Variants in MAGI2 observed in about 807,000 individuals in gnomAD.
The protein encoded by MAGI2 is membrane associated guanylate kinase, WW and PDZ domain containing 2, also known as membrane-associated guanylate kinase, WW and PDZ domain-containing protein 2.
MAGI2 carries 35 observed loss-of-function variants against 133.3 expected under a neutral mutation model. The observed-to-expected ratio is 0.26, with a 90% CI of 0.20 to 0.35. MAGI2 has a LOEUF of 0.35. MAGI2 is among the 10% of genes least tolerant of loss of function. The pLI is 1.00. For missense variants in MAGI2, 1,636 were observed against 1,863.4 expected (o/e 0.88, Z 2.25); for synonymous variants, 729 against 710.6 (o/e 1.03, Z -0.41).
At chr7:78,040,884 T>C (rs752259204) in intron 21 of MAGI2, among the ~76,000 whole-genome samples, 17 of 152,158 alleles carry the variant, frequency 1.1e-4, no homozygotes, top group Non-Finnish European at 2.1e-4. Flanking sequence ...CGGTAAGTCA[T>C]CCTTCCAAGG....
intron 2 of MAGI2, among the ~76,000 whole-genome samples, chr7:78,787,618 C>A (rs572467986): frequency 6.6e-6 from 1 of 152,304 alleles, no homozygotes; most frequent in South Asian, 2.1e-4. Flanking sequence ...ACTGCCAAAA[C>A]CATCAAGTTA....
chr7:79,177,386 T>C (rs1196067858), intron 1 of MAGI2, among the ~76,000 whole-genome samples: 2 of 152,084 alleles, frequency 1.3e-5, no homozygotes, highest in Non-Finnish European at 2.9e-5. Context: ...TATCATTTTA[T>C]GTATATTATC....
intron 2 of MAGI2, among the ~76,000 whole-genome samples, chr7:78,906,985 G>T (rs373727658): frequency 1.3e-5 from 2 of 152,186 alleles, no homozygotes; most frequent in East Asian, 3.8e-4. Flanking sequence ...AAGTCCAGCC[G>T]ACCTTTGATC....
chr7:79,334,084 G>A (rs539467390), intron 1 of MAGI2, among the ~76,000 whole-genome samples: 85 of 152,212 alleles, frequency 5.6e-4, no homozygotes, highest in Non-Finnish European at 8.4e-4. Flanking sequence ...TACACATCTA[G>A]TAAACACCTT....
Position 78,135,216 on chromosome 7 carries a change from C to T in MAGI2, c.2846-10G>A, listed in dbSNP as rs779562652. The T allele has an allele frequency of 1.9e-6, 3 of 1,612,684 alleles. No individual in the cohort carries two copies. In the South Asian group the frequency reaches 3.3e-5, roughly 18 times the overall value. On this transcript the variant is annotated splice_polypyrimidine_tract_variant and intron_variant, in intron 16 of 21. Coordinates refer to ENST00000354212, the MANE Select transcript of MAGI2 (RefSeq NM_012301.4). ...ATTTTATGGGGCACAGCTAAAAAAACCCCAACAGAAATAGGTATCAGGGAC... is the reference window on the plus strand; with the variant it reads ...ATTTTATGGGGCACAGCTAAAAAAATCCCAACAGAAATAGGTATCAGGGAC...
intron 20 of MAGI2, among the ~76,000 whole-genome samples, chr7:78,110,425 T>C (rs1819237946): frequency 6.6e-6 from 1 of 152,118 alleles, no homozygotes; most frequent in South Asian, 2.1e-4. Flanking sequence ...TCGTGACTGG[T>C]CTGAGATGAA....
intron 4 of MAGI2, among the ~76,000 whole-genome samples, chr7:78,513,238 T>TG (rs1332903219): frequency 6.6e-6 from 1 of 152,190 alleles, no homozygotes; most frequent in Non-Finnish European, 1.5e-5. Flanking sequence ...AATTTGATCT[T>TG]GATAATTCAA....
chr7:78,287,146 C>T, intron 9 of MAGI2, among the ~76,000 whole-genome samples: 1 of 152,088 alleles, frequency 6.6e-6, no homozygotes, highest in East Asian at 1.9e-4. Flanking sequence ...TAGGGTTCAA[C>T]TGGAATGTAA....
intron 7 of MAGI2, among the ~76,000 whole-genome samples, chr7:78,368,864 A>T (rs1793643137): frequency 6.6e-6 from 1 of 152,190 alleles, no homozygotes; most frequent in African/African-American, 2.4e-5. Context: ...TTTGATTGCA[A>T]AATGAAAGGC....
chr7:78,701,932 G>A (rs1450884697), intron 2 of MAGI2, among the ~76,000 whole-genome samples: 1 of 151,936 alleles, frequency 6.6e-6, no homozygotes, highest in African/African-American at 2.4e-5. Context: ...GTCTTCAGGA[G>A]AATATGATGC....
intron 1 of MAGI2, among the ~76,000 whole-genome samples, chr7:79,349,704 A>ACT (rs1204471154): frequency 1.3e-5 from 2 of 151,978 alleles, no homozygotes; most frequent in Non-Finnish European, 2.9e-5. Flanking sequence ...GCCACATCCT[A>ACT]CTGACCCTTT....
At chr7:78,417,427 C>G (rs1430966019) in intron 6 of MAGI2, among the ~76,000 whole-genome samples, 2 of 152,044 alleles carry the variant, frequency 1.3e-5, no homozygotes, top group Admixed American at 6.6e-5. Flanking sequence ...CCCTGAGCTG[C>G]CTTTATCCCT....
chr7:79,353,593 A>G, intron 1 of MAGI2: 1 of 419,392 alleles, frequency 2.4e-6, no homozygotes, highest in Non-Finnish European at 4.8e-6. Context: ...AGCTCTGGTG[A>G]TCTTCCTGCT....
chr7:78,452,096 G>C (rs1788785045), intron 6 of MAGI2, among the ~76,000 whole-genome samples: 3 of 151,874 alleles, frequency 2.0e-5, no homozygotes, highest in Admixed American at 1.3e-4. Flanking sequence ...ACGTTGCTTG[G>C]GCCAGGCACT....
At chr7:79,129,496 C>G (rs1254636276) in intron 1 of MAGI2, among the ~76,000 whole-genome samples, 1 of 152,164 alleles carries the variant, frequency 6.6e-6, no homozygotes. Context: ...AAATCCATCT[C>G]CATTTATTCT....
At chr7:78,718,295 C>T (rs1338933208) in intron 2 of MAGI2, among the ~76,000 whole-genome samples, 1 of 152,158 alleles carries the variant, frequency 6.6e-6, no homozygotes, top group African/African-American at 2.4e-5. Flanking sequence ...AGTAGGAGCA[C>T]ATACCGTCCA....
chr7:78,379,820 T>G (rs1312963447), intron 6 of MAGI2, among the ~76,000 whole-genome samples: 1 of 151,988 alleles, frequency 6.6e-6, no homozygotes, highest in Non-Finnish European at 1.5e-5. Flanking sequence ...TTAAGTTCCA[T>G]GAAGCAGAAA....
intron 2 of MAGI2, among the ~76,000 whole-genome samples, chr7:78,938,171 A>G (rs900374219): frequency 4.6e-5 from 7 of 152,104 alleles, no homozygotes; most frequent in Non-Finnish European, 8.8e-5. Context: ...CATATGTTGA[A>G]AAAACAAAAT....
intron 10 of MAGI2, chr7:78,254,309 A>G (rs1387846744): frequency 1.3e-5 from 2 of 152,218 alleles, no homozygotes; most frequent in Admixed American, 1.3e-4. Context: ...ATTTGTTTCT[A>G]TGAATCATAC....
Sources: gnomAD v4.1 joint callset for allele counts (sites outside exome capture counted in the v4.1 genomes callset) on GRCh38, gnomAD v4.1.1 for gene constraint, MANE v1.5 for transcripts, NCBI Gene and HGNC (gene_info 2026-07-23, HGNC 2026-07-21) for gene names.